STPG2: variants seen among roughly 807,000 people sequenced by gnomAD.
The protein encoded by STPG2 is sperm tail PG-rich repeat containing 2.
STPG2 carries 56 observed loss-of-function variants against 54.2 expected under a neutral mutation model. The observed-to-expected ratio is 1.03, with a 90% CI of 0.83 to 1.29. STPG2 has a LOEUF of 1.29. STPG2 is among the 50% of genes most tolerant of loss of function. The probability of loss-of-function intolerance (pLI) is 0.00; values close to 1 mark genes in which losing one functional copy is unlikely to be tolerated. For synonymous variants in STPG2, 200 were observed against 181.8 expected (o/e 1.10, Z -0.81); for missense variants, 596 against 544.9 (o/e 1.09, Z -0.93).
chr4:98,132,331 TA>T (rs1740019081), intron 2 of STPG2, among the ~76,000 whole-genome samples: 1 of 126,948 alleles, frequency 7.9e-6, no homozygotes, highest in Non-Finnish European at 1.8e-5. Context: ...TAAACACTAA[TA>T]AATTTTTATA....
intron 9 of STPG2, among the ~76,000 whole-genome samples, chr4:97,806,838 T>C (rs1278251374): frequency 6.6e-6 from 1 of 152,144 alleles, no homozygotes; most frequent in Non-Finnish European, 1.5e-5. Context: ...TCTTTAATCA[T>C]AAGAAACCTT....
chr4:97,656,564 T>C (rs1264813246), intron 10 of STPG2, among the ~76,000 whole-genome samples: 2 of 151,936 alleles, frequency 1.3e-5, no homozygotes, highest in Non-Finnish European at 2.9e-5. Flanking sequence ...TACCACAAAT[T>C]AGCATGGTCT....
At chr4:97,780,164 G>C (rs1199306045) in intron 9 of STPG2, among the ~76,000 whole-genome samples, 1 of 102,412 alleles carries the variant, frequency 9.8e-6, no homozygotes, top group Non-Finnish European at 2.0e-5. Context: ...AGACCCATCA[G>C]TGTGCTGTAT....
chr4:98,072,170 A>G (rs962322510), intron 5 of STPG2, among the ~76,000 whole-genome samples: 3 of 152,230 alleles, frequency 2.0e-5, no homozygotes, highest in African/African-American at 7.2e-5. Context: ...AATGCCCATC[A>G]ATGATAGACT....
At chr4:98,136,528 T>C (rs981499812) in intron 1 of STPG2, among the ~76,000 whole-genome samples, 3 of 151,786 alleles carry the variant, frequency 2.0e-5, no homozygotes, top group Non-Finnish European at 4.4e-5. Context: ...GTGTGGGTAC[T>C]GGAAGTTTGG....
intron 10 of STPG2, among the ~76,000 whole-genome samples, chr4:97,578,597 C>CT (rs199861080): frequency 0.02 from 2,792 of 138,902 alleles, 70 homozygotes; most frequent in African/African-American, 0.059. Context: ...CAAACCCACA[C>CT]TTTTTTTTTT....
Position 97,811,197 on chromosome 4 carries a change from T to TA in STPG2, c.1204+29575dup, listed in dbSNP as rs797019047. On this transcript the variant is annotated intron_variant, in intron 9 of 10. Coordinates refer to ENST00000295268, the MANE Select transcript of STPG2 (RefSeq NM_174952.3). ...TAACAATTTAGGCGGTTAGTTTACT[T>TA]AAAAAAAAAAAAATCCGTTGGAGAC... 4.2e-3 allele frequency among the ~76,000 whole-genome samples: 605 copies of TA among 145,040 alleles called. 2 individuals carry two copies. Among genetic ancestry groups the TA allele is most frequent in the African/African-American group, 0.011 (424 of 39,784 alleles).
chr4:97,930,894 C>A (rs988758329), intron 8 of STPG2, among the ~76,000 whole-genome samples: 1 of 152,078 alleles, frequency 6.6e-6, no homozygotes, highest in Non-Finnish European at 1.5e-5. Context: ...TTTTAGAGAC[C>A]TTTCACCTCC....
intron 4 of STPG2, among the ~76,000 whole-genome samples, chr4:97,485,921 G>A (rs545467956): frequency 5.9e-5 from 9 of 151,472 alleles, no homozygotes; most frequent in East Asian, 5.8e-4. Context: ...TCAACAAAGC[G>A]AACAAAAATA....
chr4:97,707,927 T>A (rs963711650), intron 10 of STPG2, among the ~76,000 whole-genome samples: 1 of 152,186 alleles, frequency 6.6e-6, no homozygotes, highest in African/African-American at 2.4e-5. Context: ...TTTTAATAGA[T>A]TTTACCAAAC....
intron 9 of STPG2, among the ~76,000 whole-genome samples, chr4:97,829,158 G>A (rs931404779): frequency 2.0e-5 from 3 of 152,044 alleles, no homozygotes; most frequent in Non-Finnish European, 4.4e-5. Context: ...CCTCTGGGAC[G>A]AAGCTTCCAG....
chr4:97,972,709 G>GAACTGTCATAGT (rs1734375772), intron 6 of STPG2, among the ~76,000 whole-genome samples: 1 of 152,288 alleles, frequency 6.6e-6, no homozygotes, highest in East Asian at 1.9e-4. Flanking sequence ...ACTGTCATAG[G>GAACTGTCATAGT]AGGAACCCAG....
intron 5 of STPG2, among the ~76,000 whole-genome samples, chr4:98,023,278 T>C (rs1736290900): frequency 6.6e-6 from 1 of 152,136 alleles, no homozygotes; most frequent in South Asian, 2.1e-4. Context: ...TTGCTGGAGG[T>C]CCACTCCAGA....
intron 9 of STPG2, among the ~76,000 whole-genome samples, chr4:97,806,954 A>G (rs1727586468): frequency 6.6e-6 from 1 of 152,120 alleles, no homozygotes; most frequent in Non-Finnish European, 1.5e-5. Context: ...AGGTGAGCTA[A>G]TTCACATTAA....
intron 4 of STPG2, among the ~76,000 whole-genome samples, chr4:97,443,446 A>T (rs1729140361): frequency 6.6e-6 from 1 of 152,196 alleles, no homozygotes; most frequent in South Asian, 2.1e-4. Context: ...CAGGATATCA[A>T]ATGGAATCAA....
At chr4:97,787,453 A>C (rs956863385) in intron 9 of STPG2, among the ~76,000 whole-genome samples, 5 of 152,212 alleles carry the variant, frequency 3.3e-5, no homozygotes, top group Admixed American at 2.6e-4. Context: ...ATTGTTAAAC[A>C]ACCTCACATT....
At chr4:97,451,177 A>G (rs1729355577) in intron 4 of STPG2, among the ~76,000 whole-genome samples, 1 of 152,206 alleles carries the variant, frequency 6.6e-6, no homozygotes, top group Non-Finnish European at 1.5e-5. Context: ...AGAAGCCTAT[A>G]AAACAGATTA....
intron 5 of STPG2, among the ~76,000 whole-genome samples, chr4:98,014,303 G>A (rs1374785040): frequency 6.6e-6 from 1 of 152,060 alleles, no homozygotes; most frequent in Non-Finnish European, 1.5e-5. Context: ...TTAATCCTGA[G>A]TTCTAATTTG....
chr4:97,468,497 C>T (rs1729842526), intron 4 of STPG2, among the ~76,000 whole-genome samples: 1 of 151,952 alleles, frequency 6.6e-6, no homozygotes. Flanking sequence ...CAGTCATCTC[C>T]TTTTGTGCTT....
Sources: gnomAD v4.1 joint callset for allele counts (sites outside exome capture counted in the v4.1 genomes callset) on GRCh38, gnomAD v4.1.1 for gene constraint, MANE v1.5 for transcripts, NCBI Gene and HGNC (gene_info 2026-07-23, HGNC 2026-07-21) for gene names.